ITGB3: variants seen among roughly 807,000 people sequenced by gnomAD.
ITGB3 encodes the protein integrin beta-3.
In ITGB3, 48 loss-of-function variants were observed where a neutral mutation model predicts 85.8. That is an observed-to-expected ratio of 0.56 (90% CI 0.44 to 0.71). The LOEUF is 0.71. ITGB3 is among the 30% of genes least tolerant of loss of function. ITGB3 has a pLI of 0.00. For missense variants in ITGB3, 861 were observed against 1,019.1 expected, an observed-to-expected ratio of 0.84 and a Z score of 2.11; for synonymous variants, 363 against 395.6, an observed-to-expected ratio of 0.92 and a Z score of 0.98.
intron 4 of ITGB3, among the ~76,000 whole-genome samples, chr17:47,285,639 A>G (rs1298287101): frequency 6.6e-6 from 1 of 152,098 alleles, no homozygotes; most frequent in Non-Finnish European, 1.5e-5. Flanking sequence ...AAAGTTTTGA[A>G]GTTATATGAT....
chr17:47,298,204 CAG>C (rs1160287057), intron 10 of ITGB3, among the ~76,000 whole-genome samples: 1 of 152,224 alleles, frequency 6.6e-6, no homozygotes, highest in Non-Finnish European at 1.5e-5. Context: ...GATGAGTCAA[CAG>C]GGGCATGGGG....
At chr17:47,262,790 G>T (rs1164598470) in intron 1 of ITGB3, among the ~76,000 whole-genome samples, 2 of 152,190 alleles carry the variant, frequency 1.3e-5, no homozygotes, top group Non-Finnish European at 2.9e-5. Flanking sequence ...GAGGCGAGGG[G>T]ATGGGGATTC....
At chr17:47,282,630 G>A (rs1250503807) in intron 2 of ITGB3, among the ~76,000 whole-genome samples, 4 of 152,152 alleles carry the variant, frequency 2.6e-5, no homozygotes, top group Non-Finnish European at 5.9e-5. Flanking sequence ...TCACATTTGT[G>A]GTAAGTCCTA....
chr17:47,254,159 C>T (rs2064978909), intron 1 of ITGB3, among the ~76,000 whole-genome samples: 1 of 152,102 alleles, frequency 6.6e-6, no homozygotes, highest in Admixed American at 6.5e-5. Flanking sequence ...AGCGGGTCCT[C>T]CGAGACGCCG....
chr17:47,292,091 G>A (rs191597030), intron 9 of ITGB3, 48 bp from the exon 10 acceptor site: 6 of 1,598,176 alleles, frequency 3.8e-6, no homozygotes, highest in Non-Finnish European at 5.1e-6. Context: ...GAGCTGGAGT[G>A]TTAACTGGGC....
In ITGB3 at chr17:47,292,251, A is replaced by T; in HGVS notation, c.1373A>T (p.Asp458Val). Reference protein sequence around the residue: ...KDSLIVQVTFDCDCACQAQAE... With the variant: ...KDSLIVQVTFVCDCACQAQAE... ...AGCCTGATCGTCCAGGTCACCTTTG[A>T]TTGTGACTGTGCCTGCCAGGCCCAA... Residue 458 changes from aspartate to valine, a missense_variant, in exon 10 of 15, where the codon GAT becomes GTT. Asp to Val is a radical substitution (Grantham distance 152, BLOSUM62 -3). Transcript: ENST00000559488. 6.2e-7 allele frequency: 1 copy of T among 1,614,218 alleles called. No individual in the cohort carries two copies. Among genetic ancestry groups the T allele is most frequent in the Non-Finnish European group, 8.5e-7 (1 of 1,180,026 alleles).
At position 47,286,454 on chromosome 17, in the gene ITGB3, G is replaced by A. The variant is rs749977286; in HGVS notation, c.777+32G>A. 7 of 1,612,172 alleles carry A rather than the reference G, an allele frequency of 4.3e-6. No homozygotes were observed. In the South Asian group the frequency reaches 6.6e-5, roughly 15 times the overall value. On this transcript the variant is annotated intron_variant, in intron 5 of 14. Coordinates refer to ENST00000559488, the MANE Select transcript of ITGB3 (RefSeq NM_000212.3). ...TTGGAGGACTTGGAGTGCCAGGTGTGGCTGGCATAGATCAAAATGGGAAAG... is the reference window on the plus strand; with the variant it reads ...TTGGAGGACTTGGAGTGCCAGGTGTAGCTGGCATAGATCAAAATGGGAAAG...
chr17:47,300,956 G>A (rs1376669424), intron 12 of ITGB3, among the ~76,000 whole-genome samples: 1 of 152,180 alleles, frequency 6.6e-6, no homozygotes, highest in Non-Finnish European at 1.5e-5. Context: ...AGCTCAGTAG[G>A]CTAGTAAGCG....
intron 10 of ITGB3, among the ~76,000 whole-genome samples, chr17:47,293,469 A>G (rs1276807323): frequency 6.6e-6 from 1 of 152,208 alleles, no homozygotes; most frequent in African/African-American, 2.4e-5. Flanking sequence ...TTACTGGGCC[A>G]TAATCACTGT....
At chr17:47,274,298 G>A in intron 1 of ITGB3, 121 bp from the exon 2 acceptor site, 1 of 802,678 alleles carries the variant, frequency 1.2e-6, no homozygotes, top group South Asian at 1.3e-5. Context: ...TATGGTTAGG[G>A]TGTGTTTGTG....
At chr17:47,261,482 A>T in intron 1 of ITGB3, among the ~76,000 whole-genome samples, 1 of 149,374 alleles carries the variant, frequency 6.7e-6, no homozygotes, top group Non-Finnish European at 1.5e-5. Context: ...CATTATTGTT[A>T]TTTCTCAAAT....
rs946033474 is a variant in ITGB3, at chr17:47,313,097, C to G, written c.*2893C>G. 6.6e-6 allele frequency among the ~76,000 whole-genome samples: 1 copy of G among 152,104 alleles called. No homozygotes were observed. Among genetic ancestry groups the G allele is most frequent in the Non-Finnish European group, 1.5e-5 (1 of 68,024 alleles). ...CAAGCCATTCTCCTGCCTCAGCCTC[C>G]CCAGTAGCCGGGATTACAGGCACCC... is the stretch of plus-strand genomic sequence containing the variant. On this transcript the variant is annotated 3_prime_UTR_variant, in exon 15 of 15. Coordinates refer to ENST00000559488, the MANE Select transcript of ITGB3 (RefSeq NM_000212.3).
At chr17:47,260,135 G>C (rs1344183897) in intron 1 of ITGB3, among the ~76,000 whole-genome samples, 1 of 151,888 alleles carries the variant, frequency 6.6e-6, no homozygotes, top group Non-Finnish European at 1.5e-5. Flanking sequence ...CTTTTATATA[G>C]AAAAAAGCTC....
At chr17:47,258,066 C>T (rs541551045) in intron 1 of ITGB3, among the ~76,000 whole-genome samples, 18 of 152,278 alleles carry the variant, frequency 1.2e-4, no homozygotes, top group African/African-American at 4.3e-4. Context: ...GGAAGCATGC[C>T]CACAGGAACC....
In ITGB3 at chr17:47,300,508, G is replaced by C; in HGVS notation, c.1944G>C (p.Arg648=). The change falls in exon 12 of 15, where the codon CGG becomes CGC. Residue 648 remains arginine (R), a synonymous_variant. Coordinates refer to ENST00000559488, the MANE Select transcript of ITGB3 (RefSeq NM_000212.3). Reference sequence around the variant, plus strand: ...GTGTGGAGTGTAAGAAGTTTGACCGGGGAGCCCTACATGACGAAAATACCT... The same window carrying C: ...GTGTGGAGTGTAAGAAGTTTGACCGCGGAGCCCTACATGACGAAAATACCT... ...KECVECKKFD[R]GALHDENTCN... is the part of the protein sequence containing the mutation. 6.2e-7 allele frequency: 1 copy of C among 1,614,044 alleles called. No homozygotes were observed.
At chr17:47,254,852 T>C (rs1598674239) in intron 1 of ITGB3, among the ~76,000 whole-genome samples, 1 of 152,236 alleles carries the variant, frequency 6.6e-6, no homozygotes, top group African/African-American at 2.4e-5. Flanking sequence ...CCTGGTCTGC[T>C]GGGGCCGCCT....
At position 47,292,293 on chromosome 17, in the gene ITGB3, A is replaced by G. The variant is rs1292978768; in HGVS notation, c.1415A>G (p.His472Arg). The G allele has an allele frequency of 4.3e-6, 7 of 1,614,120 alleles. No individual in the cohort carries two copies. In the African/African-American group the frequency reaches 8.0e-5, roughly 18 times the overall value. The change falls in exon 10 of 15, where the codon CAT becomes CGT. Residue 472 changes from histidine to arginine, a missense_variant. Coordinates refer to ENST00000559488, the MANE Select transcript of ITGB3 (RefSeq NM_000212.3). Reference sequence around the variant, plus strand: ...CAGGCCCAAGCTGAACCTAATAGCCATCGCTGCAACAATGGCAATGGGACC... The same window carrying G: ...CAGGCCCAAGCTGAACCTAATAGCCGTCGCTGCAACAATGGCAATGGGACC... ...ACQAQAEPNS[H>R]RCNNGNGTFE...
At position 47,310,405 on chromosome 17, in the gene ITGB3, G is replaced by A. The variant is rs1381279654; in HGVS notation, c.*201G>A. ...GTGTGTTTATGTGTGTGTGTTGTGTGTGGGAGTGTGTAATTTAAAATTGTG... is the reference window on the plus strand; with the variant it reads ...GTGTGTTTATGTGTGTGTGTTGTGTATGGGAGTGTGTAATTTAAAATTGTG... On this transcript the variant is annotated 3_prime_UTR_variant, in exon 15 of 15. Coordinates refer to ENST00000559488, the MANE Select transcript of ITGB3 (RefSeq NM_000212.3). 3.2e-5 allele frequency: 21 copies of A among 660,032 alleles called. No homozygotes were observed. The highest frequency in any genetic ancestry group is 5.0e-5 in the Non-Finnish European group (18 of 360,590). The allele number at this position is 660,032 out of a possible 1,614,324, so 40.9% of individuals were successfully genotyped here.
intron 14 of ITGB3, among the ~76,000 whole-genome samples, chr17:47,308,190 A>AATAATAATAATAAT (rs1173814704): frequency 1.7e-5 from 1 of 59,100 alleles, no homozygotes; most frequent in African/African-American, 8.2e-5. Flanking sequence ...ATAATAATAA[A>AATAATAATAATAAT]ATAAAATAAA....
Sources: allele counts gnomAD v4.1 joint callset (sites outside exome capture counted in the v4.1 genomes callset), GRCh38; gene constraint gnomAD v4.1.1; transcripts MANE v1.5; gene names NCBI Gene and HGNC (gene_info 2026-07-23, HGNC 2026-07-21).